Variants in SORBS2 observed in about 807,000 individuals in gnomAD.
SORBS2 encodes the protein sorbin and SH3 domain containing 2.
Under a neutral mutation model 97.7 loss-of-function variants are expected in SORBS2, and 46 were observed. The observed-to-expected ratio is 0.47, with a 90% CI of 0.37 to 0.60. The LOEUF (loss-of-function observed/expected upper bound fraction) is 0.60, where lower values mean the gene tolerates loss of function less well. Ranked by LOEUF, SORBS2 falls within the 20% of genes least tolerant of loss-of-function variation. SORBS2 has a pLI of 0.00. For missense variants in SORBS2, 1,316 were observed against 1,282.3 expected, an observed-to-expected ratio of 1.03 and a Z score of -0.40; for synonymous variants, 476 against 473.4, an observed-to-expected ratio of 1.01 and a Z score of -0.07.
At chr4:185,750,146 C>G (rs1275658712) in intron 2 of SORBS2, among the ~76,000 whole-genome samples, 1 of 152,230 alleles carries the variant, frequency 6.6e-6, no homozygotes, top group Non-Finnish European at 1.5e-5. Flanking sequence ...CCTGCCCTGC[C>G]ACTCACTAGA....
intron 1 of SORBS2, among the ~76,000 whole-genome samples, chr4:185,938,525 C>T (rs1182855852): frequency 4.6e-5 from 7 of 151,890 alleles, no homozygotes; most frequent in Admixed American, 6.6e-5. Context: ...TCTTATCCTG[C>T]GTGTCAAAGC....
intron 6 of SORBS2, among the ~76,000 whole-genome samples, chr4:185,626,272 CTG>C (rs2096811307): frequency 6.6e-6 from 1 of 152,242 alleles, no homozygotes; most frequent in Non-Finnish European, 1.5e-5. Context: ...GAATTGACCA[CTG>C]TGTTACATGG....
intron 1 of SORBS2, among the ~76,000 whole-genome samples, chr4:185,653,340 CG>C (rs2097343904): frequency 6.6e-6 from 1 of 152,148 alleles, no homozygotes; most frequent in African/African-American, 2.4e-5. Context: ...AACATTTGCT[CG>C]GCTAAAATTG....
chr4:185,808,708 A>G (rs2099166915), intron 1 of SORBS2, among the ~76,000 whole-genome samples: 1 of 152,048 alleles, frequency 6.6e-6, no homozygotes, highest in Non-Finnish European at 1.5e-5. Context: ...GCCATTGTAG[A>G]CTTCATTTCA....
At chr4:185,665,883 G>A (rs778269596) in intron 4 of SORBS2, 9 of 1,187,142 alleles carry the variant, frequency 7.6e-6, no homozygotes, top group Non-Finnish European at 9.6e-6. Flanking sequence ...CACTCTCCGA[G>A]CGGGAGGAGT....
At chr4:185,652,541 G>C (rs2153461892) in intron 2 of SORBS2, 121 bp downstream of exon 10, 1 of 779,410 alleles carries the variant, frequency 1.3e-6, no homozygotes, top group Non-Finnish European at 2.3e-6. Flanking sequence ...ATGCTGAAAA[G>C]AAAGGGGACA....
intron 4 of SORBS2, 46 bp from the exon 17 acceptor site, chr4:185,630,644 A>T (rs778427378): frequency 8.2e-7 from 1 of 1,218,014 alleles, no homozygotes; most frequent in Non-Finnish European, 1.2e-6. Flanking sequence ...TACCGTGGCA[A>T]AATTTTGTTC....
chr4:185,905,500 C>A (rs1192259722), intron 1 of SORBS2, among the ~76,000 whole-genome samples: 1 of 152,164 alleles, frequency 6.6e-6, no homozygotes, highest in Non-Finnish European at 1.5e-5. Flanking sequence ...AAACAGTATT[C>A]CCTTCCTAAA....
chr4:185,677,349 G>T (rs942348166), intron 4 of SORBS2: 2 of 1,552,290 alleles, frequency 1.3e-6, no homozygotes, highest in Non-Finnish European at 1.7e-6. Flanking sequence ...TAGAACTGGG[G>T]TGTTGATGTT....
intron 1 of SORBS2, among the ~76,000 whole-genome samples, chr4:185,813,614 G>A (rs1428075384): frequency 6.6e-6 from 1 of 152,152 alleles, no homozygotes; most frequent in Non-Finnish European, 1.5e-5. Context: ...TCAGAATCCT[G>A]CATTACACAC....
chr4:185,722,838 T>C (rs1223278028), intron 2 of SORBS2, among the ~76,000 whole-genome samples: 2 of 152,114 alleles, frequency 1.3e-5, no homozygotes, highest in African/African-American at 4.8e-5. Context: ...CCCAGGAAAA[T>C]AAACAGTTTT....
At chr4:185,685,992 A>C (rs1186278759) in intron 2 of SORBS2, among the ~76,000 whole-genome samples, 4 of 152,208 alleles carry the variant, frequency 2.6e-5, no homozygotes, top group African/African-American at 9.6e-5. Flanking sequence ...CCAATGTTCT[A>C]TTTATGACCA....
intron 1 of SORBS2, among the ~76,000 whole-genome samples, chr4:185,786,697 C>T (rs536209181): frequency 3.3e-5 from 5 of 152,332 alleles, no homozygotes; most frequent in South Asian, 2.1e-4. Flanking sequence ...CATCGTGGCT[C>T]ACGCCTGTAA....
intron 1 of SORBS2, among the ~76,000 whole-genome samples, chr4:185,884,505 A>G (rs979269220): frequency 6.6e-6 from 1 of 152,204 alleles, no homozygotes; most frequent in African/African-American, 2.4e-5. Flanking sequence ...AAAGGCTCCA[A>G]AAAATAAAGG....
chr4:185,793,234 A>G (rs1432455010), intron 1 of SORBS2, among the ~76,000 whole-genome samples: 1 of 152,252 alleles, frequency 6.6e-6, no homozygotes, highest in Non-Finnish European at 1.5e-5. Context: ...CATATGATGC[A>G]TTCTCAAGCA....
At chr4:185,611,668 T>A (rs2096541211) in intron 12 of SORBS2, 112 bp downstream of exon 24, 2 of 796,646 alleles carry the variant, frequency 2.5e-6, no homozygotes, top group African/African-American at 1.7e-5. Context: ...AATATGTAAA[T>A]CTCTTTCTCT....
intron 2 of SORBS2, among the ~76,000 whole-genome samples, chr4:185,745,571 T>A (rs563375240): frequency 6.6e-6 from 1 of 152,188 alleles, no homozygotes; most frequent in Admixed American, 6.5e-5. Flanking sequence ...GGCGACCTAT[T>A]ACAAATTTCC....
intron 8 of SORBS2, 32 bp downstream of exon 20, chr4:185,620,031 G>T: frequency 7.5e-7 from 1 of 1,333,258 alleles, no homozygotes; most frequent in Non-Finnish European, 1.1e-6. Flanking sequence ...GTGTGTTGCT[G>T]TGAAAGACTC....
chr4:185,938,086 T>C (rs1383541503), intron 1 of SORBS2, among the ~76,000 whole-genome samples: 1 of 146,766 alleles, frequency 6.8e-6, no homozygotes, highest in Non-Finnish European at 1.5e-5. Context: ...CTCGGCCCAC[T>C]GCAACCCCCA....
Sources: allele counts gnomAD v4.1 joint callset (sites outside exome capture counted in the v4.1 genomes callset), GRCh38; gene constraint gnomAD v4.1.1; transcripts MANE v1.5; gene names NCBI Gene and HGNC (gene_info 2026-07-23, HGNC 2026-07-21).